Variants in GRIN3A observed in about 807,000 individuals in gnomAD.
GRIN3A encodes glutamate ionotropic receptor NMDA type subunit 3A, also known as glutamate receptor ionotropic, NMDA 3A.
Under a neutral mutation model 92.4 loss-of-function variants are expected in GRIN3A, and 47 were observed. The observed-to-expected ratio is 0.51, with a 90% CI of 0.40 to 0.65. The LOEUF is 0.65. GRIN3A is among the 30% of genes least tolerant of loss of function. GRIN3A has a pLI of 0.00. For missense variants in GRIN3A, 1,324 were observed against 1,393.1 expected, an observed-to-expected ratio of 0.95 and a Z score of 0.79; for synonymous variants, 527 against 540.6, an observed-to-expected ratio of 0.97 and a Z score of 0.35.
chr9:101,603,998 C>T (rs921709138), intron 6 of GRIN3A, among the ~76,000 whole-genome samples: 7 of 152,282 alleles, frequency 4.6e-5, no homozygotes, highest in East Asian at 1.9e-4. Flanking sequence ...GCCCCTGTGG[C>T]GGTGTGGAAT....
chr9:101,634,750 C>G (rs994872761), intron 3 of GRIN3A, among the ~76,000 whole-genome samples: 3 of 152,064 alleles, frequency 2.0e-5, no homozygotes, highest in African/African-American at 4.8e-5. Context: ...TAATATATAC[C>G]TATTTGTGCT....
At chr9:101,622,899 C>A (rs1216431266) in intron 5 of GRIN3A, among the ~76,000 whole-genome samples, 2 of 151,758 alleles carry the variant, frequency 1.3e-5, no homozygotes, top group Non-Finnish European at 2.9e-5. Flanking sequence ...ATACAGATTT[C>A]CCTGAATTTT....
At chr9:101,644,371 G>A (rs1828905759) in intron 3 of GRIN3A, among the ~76,000 whole-genome samples, 2 of 148,426 alleles carry the variant, frequency 1.3e-5, no homozygotes, top group Admixed American at 6.8e-5. Context: ...AATTGATGAT[G>A]TTAGGACTTG....
chr9:101,685,238 A>C (rs990425381), intron 2 of GRIN3A, among the ~76,000 whole-genome samples: 1 of 145,494 alleles, frequency 6.9e-6, no homozygotes. Context: ...TAGGTGCTCA[A>C]TTTATACATA....
At chr9:101,697,399 T>C (rs1279458615) in intron 1 of GRIN3A, among the ~76,000 whole-genome samples, 1 of 152,200 alleles carries the variant, frequency 6.6e-6, no homozygotes. Context: ...CATGAATTAG[T>C]AATCAAACTC....
chr9:101,677,825 G>A (rs1479334792), intron 2 of GRIN3A, among the ~76,000 whole-genome samples: 2 of 152,082 alleles, frequency 1.3e-5, no homozygotes, highest in Non-Finnish European at 2.9e-5. Flanking sequence ...AACATTAAAT[G>A]TGCGTGATTT....
At chr9:101,669,196 C>T (rs1452354376) in intron 3 of GRIN3A, among the ~76,000 whole-genome samples, 1 of 152,088 alleles carries the variant, frequency 6.6e-6, no homozygotes, top group Non-Finnish European at 1.5e-5. Context: ...TTCTAATTGC[C>T]CTGGTCCTTG....
intron 3 of GRIN3A, among the ~76,000 whole-genome samples, chr9:101,658,774 C>CTATCTATCTATCTATG (rs1360088272): frequency 3.5e-4 from 53 of 151,738 alleles, no homozygotes; most frequent in African/African-American, 1.2e-3. Context: ...ATCTATCTAT[C>CTATCTATCTATCTATG]TATCTATGTA....
chr9:101,583,286 A>G (rs1415762488), intron 6 of GRIN3A, among the ~76,000 whole-genome samples: 1 of 152,314 alleles, frequency 6.6e-6, no homozygotes, highest in Non-Finnish European at 1.5e-5. Flanking sequence ...TATAACAACT[A>G]TCACAATTTT....
chr9:101,603,137 T>A (rs966701600), intron 6 of GRIN3A: 2 of 152,160 alleles, frequency 1.3e-5, no homozygotes, highest in African/African-American at 2.4e-5. Flanking sequence ...AAATAAAAAA[T>A]TATTTGGTTC....
intron 3 of GRIN3A, among the ~76,000 whole-genome samples, chr9:101,633,804 G>A (rs1412193913): frequency 4.6e-5 from 7 of 152,062 alleles, no homozygotes; most frequent in Non-Finnish European, 1.0e-4. Flanking sequence ...AAAAAGGTTG[G>A]GGACTGCTGC....
At chr9:101,734,656 T>C (rs540121573) in intron 1 of GRIN3A, among the ~76,000 whole-genome samples, 1 of 152,078 alleles carries the variant, frequency 6.6e-6, no homozygotes, top group African/African-American at 2.4e-5. Context: ...TTAAGAGTTG[T>C]GGCAGGATGT....
chr9:101,704,924 A>G (rs552864166), intron 1 of GRIN3A, among the ~76,000 whole-genome samples: 1 of 152,272 alleles, frequency 6.6e-6, no homozygotes, highest in East Asian at 1.9e-4. Flanking sequence ...TGTATTGGGA[A>G]TGCAGCAGGA....
chr9:101,614,643 AG>A (rs1828416673), intron 5 of GRIN3A, among the ~76,000 whole-genome samples: 1 of 113,672 alleles, frequency 8.8e-6, no homozygotes, highest in African/African-American at 3.6e-5. Flanking sequence ...TTTTGGAGAC[AG>A]GGTCTTGCTC....
In GRIN3A at chr9:101,670,100, T is replaced by G. The variant is rs1162930573; in HGVS notation, c.2312A>C (p.Glu771Ala). ...TCCAGAAAGCTCTTCATAGATCTTC[T>G]CACCTACCATGACAGCAGCCAAGTT... ...TANLAAVMVG[E>A]KIYEELSGIH... The change falls in exon 3 of 9, where the codon GAG (glutamate) becomes GCG (alanine). Residue 771 changes from glutamate to alanine, a missense_variant. Transcript: ENST00000361820. The G allele has an allele frequency of 1.2e-6, 2 of 1,613,844 alleles. No individual in the cohort carries two copies. Among genetic ancestry groups the G allele is most frequent in the Admixed American group, 1.7e-5 (1 of 59,980 alleles).
At chr9:101,580,724 A>G (rs1241332363) in intron 6 of GRIN3A, among the ~76,000 whole-genome samples, 1 of 152,226 alleles carries the variant, frequency 6.6e-6, no homozygotes, top group Non-Finnish European at 1.5e-5. Context: ...GTTTTACATT[A>G]AAATAGATAT....
intron 2 of GRIN3A, among the ~76,000 whole-genome samples, chr9:101,678,547 A>G (rs1238623504): frequency 1.3e-5 from 2 of 152,314 alleles, no homozygotes; most frequent in East Asian, 3.9e-4. Flanking sequence ...GTAATATATT[A>G]AACATATATG....
intron 5 of GRIN3A, among the ~76,000 whole-genome samples, chr9:101,617,720 C>T (rs956788280): frequency 4.0e-5 from 6 of 150,522 alleles, no homozygotes; most frequent in African/African-American, 1.5e-4. Flanking sequence ...CATATGTAGA[C>T]ATGTGCCACG....
chr9:101,658,517 A>G (rs1390536187), intron 3 of GRIN3A, among the ~76,000 whole-genome samples: 1 of 151,940 alleles, frequency 6.6e-6, no homozygotes, highest in Non-Finnish European at 1.5e-5. Context: ...GGTCATGCAC[A>G]GAAAAAAACC....
Sources: allele counts gnomAD v4.1 joint callset (sites outside exome capture counted in the v4.1 genomes callset), GRCh38; gene constraint gnomAD v4.1.1; transcripts MANE v1.5; gene names NCBI Gene and HGNC (gene_info 2026-07-23, HGNC 2026-07-21).